The following IFT52 variants were observed in gnomAD, a reference collection of about 807,000 sequenced individuals.
The protein encoded by IFT52 is intraflagellar transport 52, also known as intraflagellar transport protein 52 homolog.
A neutral mutation model predicts 54.4 loss-of-function variants in IFT52; 44 were observed. The observed-to-expected ratio is 0.81, with a 90% CI of 0.63 to 1.04. The LOEUF (loss-of-function observed/expected upper bound fraction) is 1.04. IFT52 is among the 50% of genes least tolerant of loss of function. The pLI is 0.00. For missense variants in IFT52, 452 were observed against 523.6 expected, an observed-to-expected ratio of 0.86 and a Z score of 1.33; for synonymous variants, 181 against 185.3, an observed-to-expected ratio of 0.98 and a Z score of 0.19.
intron 7 of IFT52, among the ~76,000 whole-genome samples, chr20:43,616,637 A>C (rs925807354): frequency 1.3e-5 from 2 of 152,134 alleles, no homozygotes; most frequent in Non-Finnish European, 2.9e-5. Flanking sequence ...AAGACAGCCC[A>C]GGTTGACATA....
intron 11 of IFT52, 93 bp from the exon 12 acceptor site, chr20:43,637,052 A>T: frequency 1.2e-6 from 1 of 805,624 alleles, no homozygotes; most frequent in Non-Finnish European, 2.1e-6. Context: ...TATCACTGTT[A>T]GTTATGATTT....
intron 3 of IFT52, among the ~76,000 whole-genome samples, chr20:43,601,892 T>C (rs1411736438): frequency 6.6e-6 from 1 of 150,662 alleles, no homozygotes; most frequent in Non-Finnish European, 1.5e-5. Flanking sequence ...TGTTTTTCTG[T>C]TGTTGTTCCA....
rs186271063 is a variant in IFT52, at chr20:43,620,020, G to A, written c.700-837G>A. Among the ~76,000 whole-genome samples the A allele has an allele frequency of 9.6e-4, 139 of 145,296 alleles. 2 individuals are homozygous for A. Among genetic ancestry groups the A allele is most frequent in the East Asian group, 4.3e-4 (2 of 4,700 alleles). ...CAACCATCGCCTCACGGGTTCAAGCGATTCTCCTGCCTCAGCCTCCTGAGT... is the reference window on the plus strand; with the variant it reads ...CAACCATCGCCTCACGGGTTCAAGCAATTCTCCTGCCTCAGCCTCCTGAGT... On this transcript the variant is annotated intron_variant, in intron 8 of 13. Coordinates refer to ENST00000373030, the MANE Select transcript of IFT52 (RefSeq NM_016004.5).
At chr20:43,596,736 C>CTCTTTTTTT (rs1293519702) in intron 3 of IFT52, among the ~76,000 whole-genome samples, 1 of 75,910 alleles carries the variant, frequency 1.3e-5, no homozygotes, top group African/African-American at 4.9e-5. Flanking sequence ...AGCCACACTT[C>CTCTTTTTTT]TTTTTTTTTT....
In IFT52 at chr20:43,610,291, C is replaced by CA. The variant is rs11324612; in HGVS notation, c.486-3542dup. Among the ~76,000 whole-genome samples, 157 of 89,932 alleles carry CA rather than the reference C, an allele frequency of 1.7e-3. 2 individuals carry two copies. Among genetic ancestry groups the CA allele is most frequent in the Non-Finnish European group, 2.6e-3 (118 of 45,960 alleles). The allele number at this position is 89,932 out of a possible 152,430, so 59.0% of individuals were successfully genotyped here. A position where few individuals can be genotyped will look rare whatever the true frequency, so the allele number is the denominator to read the frequency against. On this transcript the variant is annotated intron_variant, in intron 6 of 13. Transcript: ENST00000373030. ...TGGGCGACAGAGCGAGACACCAACG[C>CA]AAAAAAAAAAAAAAAAACCTTAAAA...
chr20:43,606,779 G>A (rs1481634363), intron 6 of IFT52, among the ~76,000 whole-genome samples: 1 of 152,100 alleles, frequency 6.6e-6, no homozygotes, highest in Middle Eastern at 3.2e-3. Flanking sequence ...TTAGGGAGTG[G>A]TGATGACTCT....
intron 4 of IFT52, 119 bp downstream of exon 4, chr20:43,604,008 A>G (rs887634570): frequency 2.1e-6 from 2 of 939,582 alleles, no homozygotes; most frequent in Middle Eastern, 6.6e-4. Flanking sequence ...GCGTGTTTTA[A>G]TGTTCCATTC....
chr20:43,616,273 A>C (rs1337341733), intron 7 of IFT52, among the ~76,000 whole-genome samples: 1 of 152,120 alleles, frequency 6.6e-6, no homozygotes, highest in African/African-American at 2.4e-5. Context: ...TTGGGAGGTC[A>C]AGGCGGGCAA....
chr20:43,642,734 T>A (rs426197), intron 13 of IFT52, 110 bp downstream of exon 13: 2 of 1,089,072 alleles, frequency 1.8e-6, no homozygotes, highest in Non-Finnish European at 2.6e-6. Flanking sequence ...AAATATTTAT[T>A]AAGCATCTAC....
At chr20:43,608,505 T>C (rs886400727) in intron 6 of IFT52, among the ~76,000 whole-genome samples, 7 of 152,164 alleles carry the variant, frequency 4.6e-5, no homozygotes, top group African/African-American at 1.7e-4. Context: ...CAATTGATGG[T>C]TTGTCTTTTC....
intron 6 of IFT52, among the ~76,000 whole-genome samples, chr20:43,607,550 G>A (rs999667555): frequency 2.7e-5 from 4 of 148,518 alleles, no homozygotes; most frequent in Non-Finnish European, 6.0e-5. Flanking sequence ...TGGCAGAGGC[G>A]CTCCCCACAT....
At chr20:43,628,748 G>A (rs1332160550) in intron 10 of IFT52, among the ~76,000 whole-genome samples, 3 of 152,110 alleles carry the variant, frequency 2.0e-5, no homozygotes, top group East Asian at 1.9e-4. Context: ...CTACTCGGGA[G>A]GCTGAGGCAG....
chr20:43,618,888 C>A, intron 7 of IFT52, 52 bp from the exon 8 acceptor site: 1 of 1,160,622 alleles, frequency 8.6e-7, no homozygotes, highest in Non-Finnish European at 1.3e-6. Context: ...TACTAGGATA[C>A]ATGAGATGCA....
At chr20:43,605,747 G>A (rs1216559642) in intron 6 of IFT52, among the ~76,000 whole-genome samples, 4 of 151,946 alleles carry the variant, frequency 2.6e-5, no homozygotes, top group Non-Finnish European at 5.9e-5. Flanking sequence ...GTCAAGCATC[G>A]ACTGTGTGAC....
chr20:43,642,722 G>T, intron 13 of IFT52, 98 bp downstream of exon 13: 1 of 1,259,128 alleles, frequency 7.9e-7, no homozygotes, highest in South Asian at 1.5e-5. Flanking sequence ...GATTCAGCCT[G>T]TAAATATTTA....
intron 10 of IFT52, among the ~76,000 whole-genome samples, chr20:43,628,071 G>T (rs987978510): frequency 6.6e-6 from 1 of 151,784 alleles, no homozygotes; most frequent in Non-Finnish European, 1.5e-5. Context: ...TGGGACTACA[G>T]GCGTGCACCA....
At chr20:43,642,233 G>T in intron 12 of IFT52, 1 of 392,320 alleles carries the variant, frequency 2.5e-6, no homozygotes, top group South Asian at 6.0e-5. Context: ...CTAGATCTGA[G>T]GAATAGGAAA....
rs2273523 is a variant in IFT52 at position 43,636,086 on chromosome 20, T to C, written c.1011+73T>C. On this transcript the variant is annotated intron_variant, in intron 11 of 13. Coordinates refer to ENST00000373030, the MANE Select transcript of IFT52 (RefSeq NM_016004.5). ...CCTTATCTTGTCAGCAGGCATTCGC[T>C]GTGGTCCCTTCCATGTGCCATTTGT... 0.79 allele frequency: 1,132,961 copies of C among 1,436,792 alleles called. 447,667 individuals carry two copies. The highest frequency in any genetic ancestry group is 0.81 in the Middle Eastern group (3,768 of 4,624). The allele number at this position is 1,436,792 out of a possible 1,614,324, so 89.0% of individuals were successfully genotyped here. A position where few individuals can be genotyped will look rare whatever the true frequency, so the allele number is the denominator to read the frequency against.
chr20:43,602,903 A>T lies in IFT52; in HGVS notation c.208-857A>T, dbSNP rs563728635. 2.6e-5 allele frequency among the ~76,000 whole-genome samples: 4 copies of T among 152,250 alleles called. No homozygotes were observed. The East Asian group carries it at 7.7e-4, about 29-fold the overall frequency. On this transcript the variant is annotated intron_variant, in intron 3 of 13. Coordinates refer to ENST00000373030, the MANE Select transcript of IFT52 (RefSeq NM_016004.5). ...TTTCCAAAGTAGGATGCATGTGATG[A>T]ATCAGTGGGGTGCCAAAAGGAAATT...
Sources: gnomAD v4.1 joint callset for allele counts (sites outside exome capture counted in the v4.1 genomes callset) on GRCh38, gnomAD v4.1.1 for gene constraint, MANE v1.5 for transcripts, NCBI Gene and HGNC (gene_info 2026-07-23, HGNC 2026-07-21) for gene names.